The following STK3 variants were observed in gnomAD, a reference collection of about 807,000 sequenced individuals.
STK3 encodes the protein serine/threonine kinase 3.
In STK3, 41 loss-of-function variants were observed where a neutral mutation model predicts 58.0. The ratio of observed to expected loss-of-function variants is 0.71; its 90% CI spans 0.55 to 0.92. The LOEUF (loss-of-function observed/expected upper bound fraction) is 0.92. Among genes scored for constraint, STK3 ranks in the 40% least tolerant of loss-of-function variants. STK3 has a pLI of 0.00. For missense variants in STK3, 479 were observed against 602.7 expected (o/e 0.79, Z 2.15); for synonymous variants, 170 against 191.0 (o/e 0.89, Z 0.91).
chr8:98,898,822 A>T (rs999108621), intron 1 of STK3, among the ~76,000 whole-genome samples: 1 of 152,224 alleles, frequency 6.6e-6, no homozygotes, highest in African/African-American at 2.4e-5. Context: ...TTTTAAGAGT[A>T]CACAGGGAGT....
chr8:98,705,898 A>G (rs1395265769), intron 6 of STK3, among the ~76,000 whole-genome samples: 1 of 152,188 alleles, frequency 6.6e-6, no homozygotes, highest in African/African-American at 2.4e-5. Context: ...ATTATCCTGC[A>G]GAGTTCACAG....
At chr8:98,889,856 A>G (rs1385066803) in intron 1 of STK3, 1 of 152,208 alleles carries the variant, frequency 6.6e-6, no homozygotes, top group Non-Finnish European at 1.5e-5. Context: ...TCTGGATTAC[A>G]CTTTAAGAAC....
chr8:98,566,507 T>C (rs1812493364), intron 8 of STK3, among the ~76,000 whole-genome samples: 2 of 152,138 alleles, frequency 1.3e-5, no homozygotes, highest in Admixed American at 6.6e-5. Flanking sequence ...ATACTTGATG[T>C]GAAATATAAA....
chr8:98,356,553 G>A, the STK3 span, among the ~76,000 whole-genome samples: 4 of 152,180 alleles, frequency 2.6e-5, no homozygotes, highest in East Asian at 1.9e-4. Context: ...AAGCTAAGCC[G>A]AAAGCCAGGG....
At chr8:98,726,926 G>A (rs1389141261) in intron 4 of STK3, among the ~76,000 whole-genome samples, 1 of 152,148 alleles carries the variant, frequency 6.6e-6, no homozygotes, top group African/African-American at 2.4e-5. Flanking sequence ...TTCATTTTGT[G>A]AGCTATTTTA....
At chr8:98,405,459 T>C (rs571017951) in intron 3 of STK3, among the ~76,000 whole-genome samples, 11 of 152,228 alleles carry the variant, frequency 7.2e-5, no homozygotes, top group Non-Finnish European at 1.3e-4. Flanking sequence ...CTTATTATTA[T>C]TCTCTCTTCT....
At chr8:98,677,809 T>C (rs1823337361) in intron 6 of STK3, among the ~76,000 whole-genome samples, 1 of 152,108 alleles carries the variant, frequency 6.6e-6, no homozygotes, top group Non-Finnish European at 1.5e-5. Context: ...TCTCAAAACT[T>C]CGCAAAACAT....
At chr8:98,936,193 C>T (rs1840190281) in intron 1 of STK3, among the ~76,000 whole-genome samples, 1 of 152,194 alleles carries the variant, frequency 6.6e-6, no homozygotes, top group South Asian at 2.1e-4. Flanking sequence ...GCTGGGATTA[C>T]AGGCGTGAGC....
intron 3 of STK3, among the ~76,000 whole-genome samples, chr8:98,764,217 C>T (rs1368779737): frequency 6.6e-6 from 1 of 152,200 alleles, no homozygotes; most frequent in Non-Finnish European, 1.5e-5. Context: ...AATTCTATAA[C>T]ATTTCCTTCT....
rs77355568 is a variant in STK3, at chr8:98,862,604, C to G, written c.110+21043G>C. 1.0e-3 allele frequency among the ~76,000 whole-genome samples: 158 copies of G among 152,298 alleles called. No individual in the cohort carries two copies. In the East Asian group the frequency reaches 0.029, roughly 28 times the overall value. On this transcript the variant is annotated intron_variant, in intron 3 of 12. Coordinates refer to the STK3 transcript ENST00000523601. ...GGAGATGGCTCAATGCCAGACCGAA[C>G]AGGACTTTTTAGAGACATTGGAACT...
At chr8:98,491,043 A>G (rs1389094916) in intron 10 of STK3, among the ~76,000 whole-genome samples, 1 of 152,178 alleles carries the variant, frequency 6.6e-6, no homozygotes, top group Non-Finnish European at 1.5e-5. Flanking sequence ...AGTGGAAAAG[A>G]TAGCAAGATA....
intron 10 of STK3, among the ~76,000 whole-genome samples, chr8:98,489,090 T>C (rs16897045): frequency 0.037 from 5,574 of 152,246 alleles, 140 homozygotes; most frequent in East Asian, 0.08. Flanking sequence ...ATGCAGAAAC[T>C]GATTTTTCCA....
intron 6 of STK3, among the ~76,000 whole-genome samples, chr8:98,675,231 CTATA>C (rs1255893583): frequency 1.3e-5 from 2 of 152,146 alleles, no homozygotes; most frequent in African/African-American, 4.8e-5. Context: ...CTACACTACA[CTATA>C]TATGAGAAAG....
intron 6 of STK3, among the ~76,000 whole-genome samples, chr8:98,630,094 T>C (rs1169224728): frequency 6.6e-6 from 1 of 152,318 alleles, no homozygotes; most frequent in South Asian, 2.1e-4. Flanking sequence ...ATGATTTCCC[T>C]AGCTATTTCT....
chr8:98,730,609 G>A (rs987887263), intron 4 of STK3, among the ~76,000 whole-genome samples: 1 of 151,614 alleles, frequency 6.6e-6, no homozygotes, highest in African/African-American at 2.4e-5. Context: ...CCAGCTACCC[G>A]GGAGGCTGAG....
intron 1 of STK3, among the ~76,000 whole-genome samples, chr8:98,387,638 C>T (rs1817803033): frequency 6.6e-6 from 1 of 152,186 alleles, no homozygotes; most frequent in Non-Finnish European, 1.5e-5. Flanking sequence ...ATCCCAGCTA[C>T]TCAGGAGGCT....
At chr8:98,690,199 T>C (rs1824296209) in intron 6 of STK3, among the ~76,000 whole-genome samples, 1 of 151,872 alleles carries the variant, frequency 6.6e-6, no homozygotes, top group South Asian at 2.1e-4. Context: ...GCCAGAGCAA[T>C]AAGGCAAGAG....
upstream of STK3, among the ~76,000 whole-genome samples, chr8:98,828,202 G>A (rs1469256199): frequency 2.6e-5 from 4 of 151,622 alleles, no homozygotes; most frequent in Non-Finnish European, 5.9e-5. Flanking sequence ...TCTTGAACTC[G>A]TGACCTCGGG....
intron 6 of STK3, among the ~76,000 whole-genome samples, chr8:98,681,402 T>A (rs1405004464): frequency 6.6e-6 from 1 of 152,066 alleles, no homozygotes; most frequent in Admixed American, 6.6e-5. Context: ...GCAAGTATCA[T>A]GAAGGACCAA....
Sources: gnomAD v4.1 joint callset for allele counts (sites outside exome capture counted in the v4.1 genomes callset) on GRCh38, gnomAD v4.1.1 for gene constraint, MANE v1.5 for transcripts, NCBI Gene and HGNC (gene_info 2026-07-23, HGNC 2026-07-21) for gene names.